The following MAP4K3 variants were observed in gnomAD, a reference collection of about 807,000 sequenced individuals.
MAP4K3 encodes MAPK/ERK kinase kinase kinase 3.
In MAP4K3, 94 loss-of-function variants were observed where a neutral mutation model predicts 143.5. That is an observed-to-expected ratio of 0.65 (90% CI 0.55 to 0.78). The LOEUF (loss-of-function observed/expected upper bound fraction) is 0.78. Among genes scored for constraint, MAP4K3 ranks in the 30% least tolerant of loss-of-function variants. The probability of loss-of-function intolerance (pLI) is 0.00; values close to 1 mark genes in which losing one functional copy is unlikely to be tolerated. For missense variants in MAP4K3, 1,077 were observed against 1,068.1 expected, an observed-to-expected ratio of 1.01 and a Z score of -0.12; for synonymous variants, 416 against 347.2, an observed-to-expected ratio of 1.20 and a Z score of -2.20.
chr2:39,358,469 G>A (rs189163663), intron 2 of MAP4K3, among the ~76,000 whole-genome samples: 1 of 152,168 alleles, frequency 6.6e-6, no homozygotes, highest in East Asian at 1.9e-4. Flanking sequence ...ATAATTAATT[G>A]CCTACATATT....
At chr2:39,275,965 C>T (rs765264325) in intron 24 of MAP4K3, among the ~76,000 whole-genome samples, 28 of 152,074 alleles carry the variant, frequency 1.8e-4, no homozygotes, top group Admixed American at 1.0e-3. Flanking sequence ...CTCCGCCTCC[C>T]GGGTTTAAGT....
chr2:39,366,619 C>T (rs1048195036), intron 2 of MAP4K3, among the ~76,000 whole-genome samples: 1 of 152,142 alleles, frequency 6.6e-6, no homozygotes, highest in African/African-American at 2.4e-5. Context: ...CTTCGGAATG[C>T]CTTTGGCCCA....
At chr2:39,267,519 A>C in intron 26 of MAP4K3, 1 of 307,962 alleles carries the variant, frequency 3.2e-6, no homozygotes, top group Admixed American at 4.1e-5. Context: ...AAAAATACAA[A>C]AAAATTAGCC....
At chr2:39,386,192 T>C (rs1019352443) in intron 1 of MAP4K3, among the ~76,000 whole-genome samples, 4 of 152,086 alleles carry the variant, frequency 2.6e-5, no homozygotes, top group Non-Finnish European at 5.9e-5. Flanking sequence ...ACATGCACAG[T>C]GAAAAGGCCA....
intron 24 of MAP4K3, among the ~76,000 whole-genome samples, chr2:39,275,830 C>T (rs1681225923): frequency 6.6e-6 from 1 of 151,992 alleles, no homozygotes; most frequent in African/African-American, 2.4e-5. Flanking sequence ...TAAATCATTA[C>T]TTATATATTT....
rs906997842 is a variant in MAP4K3 at position 39,391,275 on chromosome 2, C to T, written c.97-13152G>A. ...TCGGGAGGCTGAGGCAGGAGAATGG[C>T]GTGAACCCAGGCGGCAGAGCTTGCA... On this transcript the variant is annotated intron_variant, in intron 1 of 33. Coordinates refer to ENST00000263881, the MANE Select transcript of MAP4K3 (RefSeq NM_003618.4). Among the ~76,000 whole-genome samples, 8 of 130,568 alleles carry T rather than the reference C, an allele frequency of 6.1e-5. 1 individual carries two copies. In the East Asian group the frequency reaches 7.8e-4, roughly 13 times the overall value. 85.7% of individuals were successfully genotyped at this position (130,568 alleles called of 152,430 possible). A position where few individuals can be genotyped will look rare whatever the true frequency, so the allele number is the denominator to read the frequency against.
At chr2:39,352,272 C>T (rs765128282) in intron 3 of MAP4K3, among the ~76,000 whole-genome samples, 5 of 152,084 alleles carry the variant, frequency 3.3e-5, no homozygotes, top group Non-Finnish European at 7.4e-5. Flanking sequence ...GCCTGGGCGA[C>T]AGAGCCAGAC....
rs1327693385 is a variant in MAP4K3 at position 39,254,510 on chromosome 2, T to C, written c.2481A>G (p.Gln827=). 1 of 1,613,642 alleles carries C rather than the reference T, an allele frequency of 6.2e-7. No homozygotes were observed. Among genetic ancestry groups the C allele is most frequent in the African/African-American group, 1.3e-5 (1 of 75,046 alleles). Residue 827 remains glutamine (Q), a synonymous_variant, in exon 32 of 34, where the codon CAA becomes CAG. Coordinates refer to ENST00000263881, the MANE Select transcript of MAP4K3 (RefSeq NM_003618.4). ...GTTTCCAGAAAGCTAGCACACTGTC[T>C]TGTAGGCACACTAGCAGGCAAGAAC... ...DFQIESIVCL[Q]DSVLAFWKHG...
At chr2:39,417,673 T>C (rs1021856887) in intron 1 of MAP4K3, among the ~76,000 whole-genome samples, 4 of 152,216 alleles carry the variant, frequency 2.6e-5, no homozygotes, top group Admixed American at 6.6e-5. Flanking sequence ...TAGATATGTA[T>C]GTATACGTGG....
rs922226529 is a variant in MAP4K3, at chr2:39,272,140, A to G, written c.1973+143T>C. On this transcript the variant is annotated intron_variant, in intron 26 of 33. Transcript: ENST00000263881. Reference sequence around the variant, plus strand: ...TTTTAGAACAAGAGTGTGATCACTAAGCACTTGTTAATGTATATTACTTAT... The same window carrying G: ...TTTTAGAACAAGAGTGTGATCACTAGGCACTTGTTAATGTATATTACTTAT... 1.5e-5 allele frequency: 8 copies of G among 550,212 alleles called. No homozygotes were observed. In the African/African-American group the frequency reaches 1.5e-4, roughly 11 times the overall value. 34.1% of individuals were successfully genotyped at this position (550,212 alleles called of 1,614,324 possible). A position where few individuals can be genotyped will look rare whatever the true frequency, so the allele number is the denominator to read the frequency against.
At chr2:39,404,100 C>T (rs1050312829) in intron 1 of MAP4K3, among the ~76,000 whole-genome samples, 4 of 151,966 alleles carry the variant, frequency 2.6e-5, no homozygotes, top group Admixed American at 2.6e-4. Context: ...TGCTGTGAGT[C>T]CTGGGTGAAA....
At chr2:39,322,680 T>C (rs1006405020) in intron 12 of MAP4K3, among the ~76,000 whole-genome samples, 1 of 150,944 alleles carries the variant, frequency 6.6e-6, no homozygotes, top group Non-Finnish European at 1.5e-5. Flanking sequence ...TTTTTGTTTT[T>C]TTTTTTTGAG....
chr2:39,265,228 G>A lies in MAP4K3; in HGVS notation c.2111C>T (p.Pro704Leu). 3.1e-6 allele frequency: 5 copies of A among 1,610,088 alleles called. No individual in the cohort carries two copies. Among genetic ancestry groups the A allele is most frequent in the Non-Finnish European group, 4.2e-6 (5 of 1,176,498 alleles). Residue 704 changes from proline to leucine, a missense_variant, in exon 28 of 34, where the codon CCA (proline) becomes CTA (leucine). Transcript: ENST00000263881. Reference sequence around the variant, plus strand: ...CTTAATTAACATAAATTTCTGCATTGGTTCAACCCATTCTAATAGAACAAT... The same window carrying A: ...CTTAATTAACATAAATTTCTGCATTAGTTCAACCCATTCTAATAGAACAAT... Reference protein sequence around the residue: ...TSIVLLEWVEPMQKFMLIKHI... With the variant: ...TSIVLLEWVELMQKFMLIKHI...
intron 23 of MAP4K3, among the ~76,000 whole-genome samples, chr2:39,279,462 A>G (rs1197078303): frequency 6.6e-6 from 1 of 152,224 alleles, no homozygotes. Context: ...ATGTTCACGT[A>G]TAAATGTTCT....
At chr2:39,361,284 C>T (rs1665763068) in intron 2 of MAP4K3, among the ~76,000 whole-genome samples, 1 of 151,984 alleles carries the variant, frequency 6.6e-6, no homozygotes, top group South Asian at 2.1e-4. Flanking sequence ...AGCAACTACC[C>T]ATAGTCACAA....
chr2:39,332,098 C>A, intron 7 of MAP4K3, 109 bp from the exon 8 acceptor site: 1 of 542,332 alleles, frequency 1.8e-6, no homozygotes, highest in Non-Finnish European at 3.3e-6. Flanking sequence ...AATTTTACAG[C>A]AATACGGGAT....
At chr2:39,403,635 C>A (rs777014056) in intron 1 of MAP4K3, among the ~76,000 whole-genome samples, 5 of 151,972 alleles carry the variant, frequency 3.3e-5, no homozygotes, top group Admixed American at 6.5e-5. Flanking sequence ...CTGCAGCCCT[C>A]AATAAACCTG....
intron 1 of MAP4K3, among the ~76,000 whole-genome samples, chr2:39,433,338 C>T (rs371450468): frequency 1.3e-5 from 2 of 152,198 alleles, no homozygotes; most frequent in Admixed American, 1.3e-4. Flanking sequence ...TCTTTCAAAA[C>T]TTCTTTTGCC....
intron 2 of MAP4K3, among the ~76,000 whole-genome samples, chr2:39,369,756 C>T (rs1320208163): frequency 6.6e-6 from 1 of 152,174 alleles, no homozygotes; most frequent in East Asian, 1.9e-4. Flanking sequence ...ACATCAGCCA[C>T]TCTGCACTAT....
Sources: allele counts gnomAD v4.1 joint callset (sites outside exome capture counted in the v4.1 genomes callset), GRCh38; gene constraint gnomAD v4.1.1; transcripts MANE v1.5; gene names NCBI Gene and HGNC (gene_info 2026-07-23, HGNC 2026-07-21).